Variants in SV2C observed in about 807,000 individuals in gnomAD.
SV2C encodes the protein solute carrier family 22 member B3.
Under a neutral mutation model 79.7 loss-of-function variants are expected in SV2C, and 49 were observed. The observed-to-expected ratio is 0.61, with a 90% CI of 0.49 to 0.78. The LOEUF (loss-of-function observed/expected upper bound fraction) is 0.78, where lower values mean the gene tolerates loss of function less well. Ranked by LOEUF, SV2C falls within the 30% of genes least tolerant of loss-of-function variation. The pLI, the probability that SV2C is intolerant of heterozygous loss-of-function variation, is 0.00. For synonymous variants in SV2C, 334 were observed against 333.2 expected, an observed-to-expected ratio of 1.00 and a Z score of -0.03; for missense variants, 833 against 912.9, an observed-to-expected ratio of 0.91 and a Z score of 1.13.
the SV2C span, among the ~76,000 whole-genome samples, chr5:76,023,188 G>A: frequency 6.6e-6 from 1 of 152,046 alleles, no homozygotes; most frequent in Non-Finnish European, 1.5e-5. Flanking sequence ...ATTAATTTTT[G>A]TTCAGCTGAG....
At chr5:75,967,153 G>A in the SV2C span, among the ~76,000 whole-genome samples, 5 of 152,092 alleles carry the variant, frequency 3.3e-5, no homozygotes, top group Non-Finnish European at 4.4e-5. Flanking sequence ...GAGCAACATG[G>A]TGAGACCCTA....
chr5:75,929,337 C>T, the SV2C span, among the ~76,000 whole-genome samples: 5,228 of 152,034 alleles, frequency 0.034, 206 homozygotes, highest in African/African-American at 0.1. Context: ...GCTCTTCTAC[C>T]CTCAGGTGCC....
At chr5:75,852,286 A>G in the SV2C span, among the ~76,000 whole-genome samples, 2 of 152,178 alleles carry the variant, frequency 1.3e-5, no homozygotes, top group African/African-American at 4.8e-5. Flanking sequence ...CACGTTCTGC[A>G]CATGTACCCC....
At chr5:76,116,311 A>G (rs770780912) in intron 1 of SV2C, among the ~76,000 whole-genome samples, 2 of 152,206 alleles carry the variant, frequency 1.3e-5, no homozygotes, top group African/African-American at 2.4e-5. Flanking sequence ...CAAGCTTCCT[A>G]CAATCAGGGA....
rs564568434 is a variant in SV2C at position 76,290,494 on chromosome 5, A to C, written c.1138-727A>C. Among the ~76,000 whole-genome samples, 27 of 152,194 alleles carry C rather than the reference A, an allele frequency of 1.8e-4. No homozygotes were observed. In the South Asian group the frequency reaches 5.0e-3, roughly 28 times the overall value. On this transcript the variant is annotated intron_variant, in intron 6 of 12. Transcript: ENST00000502798. ...CAGGCCCACAAAGGACCCATTCTTCATTTTTTTCTATTTTCAGGATTCATT... is the reference window on the plus strand; with the variant it reads ...CAGGCCCACAAAGGACCCATTCTTCCTTTTTTTCTATTTTCAGGATTCATT...
the SV2C span, among the ~76,000 whole-genome samples, chr5:75,981,404 A>G: frequency 6.6e-6 from 1 of 152,182 alleles, no homozygotes; most frequent in South Asian, 2.1e-4. Flanking sequence ...GAGCCTGAGT[A>G]GCCAAGGCAA....
chr5:76,035,699 G>T, the SV2C span, among the ~76,000 whole-genome samples: 1,469 of 152,274 alleles, frequency 9.6e-3, 20 homozygotes, highest in African/African-American at 0.034. Context: ...GTGTGGTGTG[G>T]TGCTGAAAAG....
intron 4 of SV2C, among the ~76,000 whole-genome samples, chr5:76,265,139 A>G (rs1401845202): frequency 6.6e-6 from 1 of 152,176 alleles, no homozygotes. Flanking sequence ...TTTCTTTCAG[A>G]GATGCCCTGC....
At chr5:75,959,854 A>C in the SV2C span, among the ~76,000 whole-genome samples, 2 of 151,998 alleles carry the variant, frequency 1.3e-5, no homozygotes, top group African/African-American at 4.8e-5. Flanking sequence ...CTATTCACAA[A>C]GAAATGAGAA....
At chr5:75,933,063 G>T in the SV2C span, among the ~76,000 whole-genome samples, 1 of 151,844 alleles carries the variant, frequency 6.6e-6, no homozygotes, top group African/African-American at 2.4e-5. Context: ...TCCTACCTCA[G>T]GGTCTATGCA....
At chr5:76,318,383 A>G (rs1748707878) in intron 12 of SV2C, among the ~76,000 whole-genome samples, 1 of 152,066 alleles carries the variant, frequency 6.6e-6, no homozygotes, top group African/African-American at 2.4e-5. Context: ...GTGCCACTGC[A>G]CTCCAGCCTG....
chr5:76,195,195 C>A, intron 3 of SV2C, 96 bp downstream of exon 3: 1 of 1,211,530 alleles, frequency 8.3e-7, no homozygotes, highest in Non-Finnish European at 1.2e-6. Flanking sequence ...TCCCTTCACA[C>A]ATCTCCTTCC....
chr5:76,040,854 T>C, the SV2C span, among the ~76,000 whole-genome samples: 1 of 152,214 alleles, frequency 6.6e-6, no homozygotes, highest in Admixed American at 6.5e-5. Flanking sequence ...ATCAAGAAAC[T>C]AGGAATACAG....
the SV2C span, among the ~76,000 whole-genome samples, chr5:75,886,551 T>G: frequency 2.6e-5 from 4 of 152,276 alleles, no homozygotes; most frequent in South Asian, 8.3e-4. Flanking sequence ...TCCTAAAGTC[T>G]CCCTTTTGCT....
chr5:75,902,806 A>G, the SV2C span, among the ~76,000 whole-genome samples: 1 of 152,230 alleles, frequency 6.6e-6, no homozygotes, highest in Non-Finnish European at 1.5e-5. Flanking sequence ...AATGATTACA[A>G]AGTTAGCATG....
At chr5:75,869,270 C>T in the SV2C span, among the ~76,000 whole-genome samples, 1 of 152,070 alleles carries the variant, frequency 6.6e-6, no homozygotes, top group African/African-American at 2.4e-5. Context: ...CAGAGGGGAG[C>T]CCACTCCCCT....
At chr5:75,980,617 A>T in the SV2C span, among the ~76,000 whole-genome samples, 73 of 152,266 alleles carry the variant, frequency 4.8e-4, no homozygotes, top group African/African-American at 1.6e-3. Flanking sequence ...AAAAAATATG[A>T]TTATCTCGAT....
chr5:75,942,703 C>A, the SV2C span, among the ~76,000 whole-genome samples: 2 of 152,176 alleles, frequency 1.3e-5, no homozygotes, highest in Admixed American at 1.3e-4. Context: ...ATTATATCAT[C>A]TTGAGTTCCC....
At chr5:76,345,816 C>T (rs1749527033) in intron 12 of SV2C, among the ~76,000 whole-genome samples, 1 of 152,154 alleles carries the variant, frequency 6.6e-6, no homozygotes. Flanking sequence ...GAGTCACCCA[C>T]CTGACATCAC....
Sources: allele counts gnomAD v4.1 joint callset (sites outside exome capture counted in the v4.1 genomes callset), GRCh38; gene constraint gnomAD v4.1.1; transcripts MANE v1.5; gene names NCBI Gene and HGNC (gene_info 2026-07-23, HGNC 2026-07-21).